The following NRXN1 variants were observed in gnomAD, a reference collection of about 807,000 sequenced individuals.
NRXN1 encodes neurexin 1.
A neutral mutation model predicts 150.9 loss-of-function variants in NRXN1; 39 were observed. That is an observed-to-expected ratio of 0.26 (90% CI 0.20 to 0.34). The LOEUF (loss-of-function observed/expected upper bound fraction) is 0.34, where lower values mean the gene tolerates loss of function less well. Ranked by LOEUF, NRXN1 falls within the 10% of genes least tolerant of loss-of-function variation. The pLI is 1.00. For synonymous variants in NRXN1, 924 were observed against 757.0 expected (o/e 1.22, Z -3.62); for missense variants, 1,815 against 1,949.9 (o/e 0.93, Z 1.30).
At chr2:51,017,206 A>C (rs1246937690) in intron 2 of NRXN1, among the ~76,000 whole-genome samples, 1 of 152,104 alleles carries the variant, frequency 6.6e-6, no homozygotes, top group South Asian at 2.1e-4. Flanking sequence ...ATACCTATAT[A>C]ACAAACCTAC....
chr2:50,172,119 G>A (rs1253954335), intron 18 of NRXN1, among the ~76,000 whole-genome samples: 1 of 152,090 alleles, frequency 6.6e-6, no homozygotes, highest in African/African-American at 2.4e-5. Context: ...AGAAGATAAT[G>A]GGGTTATTAT....
chr2:50,446,308 A>T (rs2086396132), intron 17 of NRXN1, among the ~76,000 whole-genome samples: 1 of 152,110 alleles, frequency 6.6e-6, no homozygotes, highest in Non-Finnish European at 1.5e-5. Flanking sequence ...ATATCTACAT[A>T]GTAAAGTTAA....
chr2:50,064,052 T>C (rs1694971272), intron 19 of NRXN1, among the ~76,000 whole-genome samples: 1 of 152,150 alleles, frequency 6.6e-6, no homozygotes, highest in Non-Finnish European at 1.5e-5. Context: ...GTGAGAGGAA[T>C]AGAACTTTGC....
chr2:50,454,937 G>C (rs2087391154), intron 17 of NRXN1, among the ~76,000 whole-genome samples: 1 of 152,092 alleles, frequency 6.6e-6, no homozygotes, highest in African/African-American at 2.4e-5. Context: ...ATGTGAGCTG[G>C]ATCATCTCCA....
chr2:50,668,627 C>T (rs189154439), intron 5 of NRXN1, among the ~76,000 whole-genome samples: 35 of 152,010 alleles, frequency 2.3e-4, no homozygotes, highest in Admixed American at 4.6e-4. Flanking sequence ...GTACAACCAG[C>T]GGCAAACAGT....
At chr2:50,304,019 T>C (rs1286443876) in intron 17 of NRXN1, among the ~76,000 whole-genome samples, 1 of 152,158 alleles carries the variant, frequency 6.6e-6, no homozygotes. Context: ...ATAATGGTAA[T>C]GTAAACATTC....
At chr2:50,271,887 G>T (rs1299761887) in intron 17 of NRXN1, among the ~76,000 whole-genome samples, 1 of 152,112 alleles carries the variant, frequency 6.6e-6, no homozygotes, top group Non-Finnish European at 1.5e-5. Flanking sequence ...CTATGAAGAA[G>T]TATTTCCTAT....
intron 8 of NRXN1, among the ~76,000 whole-genome samples, chr2:50,617,927 T>A: frequency 6.6e-6 from 1 of 152,214 alleles, no homozygotes; most frequent in South Asian, 2.1e-4. Context: ...AAAAACTGCC[T>A]CACTTATGCA....
intron 5 of NRXN1, among the ~76,000 whole-genome samples, chr2:50,725,011 CT>C (rs945398814): frequency 6.6e-6 from 1 of 152,080 alleles, no homozygotes; most frequent in African/African-American, 2.4e-5. Context: ...AAGTAACTGC[CT>C]TTGTGGAGCT....
intron 17 of NRXN1, among the ~76,000 whole-genome samples, chr2:50,309,354 C>A (rs1189111383): frequency 6.6e-6 from 1 of 152,160 alleles, no homozygotes; most frequent in Non-Finnish European, 1.5e-5. Context: ...TTCTGGCTTC[C>A]ATTGGTATCT....
chr2:50,104,625 A>G (rs1188997638), intron 18 of NRXN1, among the ~76,000 whole-genome samples: 1 of 152,024 alleles, frequency 6.6e-6, no homozygotes, highest in Non-Finnish European at 1.5e-5. Context: ...CTTTACAGGC[A>G]ATAATACGTA....
chr2:50,548,714 C>A (rs909488480), intron 9 of NRXN1, among the ~76,000 whole-genome samples: 1 of 150,258 alleles, frequency 6.7e-6, no homozygotes, highest in African/African-American at 2.4e-5. Flanking sequence ...AAATTATGAA[C>A]CTTATAAAGT....
intron 5 of NRXN1, among the ~76,000 whole-genome samples, chr2:50,905,822 G>A (rs1420227183): frequency 6.6e-6 from 1 of 152,008 alleles, no homozygotes; most frequent in Non-Finnish European, 1.5e-5. Flanking sequence ...TTTACACATA[G>A]AGTTCCCTGG....
intron 18 of NRXN1, among the ~76,000 whole-genome samples, chr2:50,222,217 C>T (rs1290676594): frequency 6.6e-6 from 1 of 151,952 alleles, no homozygotes; most frequent in African/African-American, 2.4e-5. Context: ...GTTATCCAAC[C>T]TCCTTGGCCT....
At chr2:50,995,490 A>C (rs1699131890) in intron 2 of NRXN1, among the ~76,000 whole-genome samples, 1 of 151,920 alleles carries the variant, frequency 6.6e-6, no homozygotes, top group Admixed American at 6.6e-5. Flanking sequence ...CTGTAGTCCC[A>C]ACTACTGTGG....
chr2:50,381,763 G>A (rs1220713668), intron 17 of NRXN1, among the ~76,000 whole-genome samples: 1 of 152,098 alleles, frequency 6.6e-6, no homozygotes, highest in African/African-American at 2.4e-5. Flanking sequence ...AATGCAAGGT[G>A]CTTAAACTAA....
chr2:50,100,624 G>C (rs1290981148), intron 18 of NRXN1, among the ~76,000 whole-genome samples: 1 of 152,024 alleles, frequency 6.6e-6, no homozygotes, highest in East Asian at 1.9e-4. Context: ...CATGGGTACA[G>C]ACATATCATC....
chr2:50,782,342 T>G (rs1351011938), intron 5 of NRXN1, among the ~76,000 whole-genome samples: 1 of 152,028 alleles, frequency 6.6e-6, no homozygotes, highest in Non-Finnish European at 1.5e-5. Context: ...TGGTGGCTCA[T>G]GCTTGTAGTC....
chr2:50,950,560 G>C (rs955685122), intron 2 of NRXN1, among the ~76,000 whole-genome samples: 2 of 152,034 alleles, frequency 1.3e-5, no homozygotes, highest in African/African-American at 4.8e-5. Context: ...ATTTTGTATC[G>C]GATAAGTCTT....
Sources: allele counts gnomAD v4.1 joint callset (sites outside exome capture counted in the v4.1 genomes callset), GRCh38; gene constraint gnomAD v4.1.1; transcripts MANE v1.5; gene names NCBI Gene and HGNC (gene_info 2026-07-23, HGNC 2026-07-21).